FARP2: variants seen among roughly 807,000 people sequenced by gnomAD.
The protein encoded by FARP2 is FERM, ARHGEF and pleckstrin domain-containing protein 2.
In FARP2, 111 loss-of-function variants were observed where a neutral mutation model predicts 130.5. The ratio of observed to expected loss-of-function variants is 0.85; its 90% CI spans 0.73 to 1.00. FARP2 has a LOEUF of 1.00. Among genes scored for constraint, FARP2 ranks in the 50% least tolerant of loss-of-function variants. The pLI is 0.00. For missense variants in FARP2, 1,385 were observed against 1,346.3 expected (o/e 1.03, Z -0.45); for synonymous variants, 504 against 516.9 (o/e 0.98, Z 0.34).
intron 13 of FARP2, chr2:241,447,004 AAG>A (rs1413357115): frequency 6.6e-6 from 1 of 152,226 alleles, no homozygotes; most frequent in Admixed American, 6.5e-5. Context: ...TCATTTTTTA[AAG>A]AGACATTTTT....
At position 241,491,136 on chromosome 2, in the gene FARP2, G is replaced by A. The variant is rs371043521; in HGVS notation, c.2580G>A (p.Thr860=). Residue 860 remains threonine (T), a synonymous_variant, in exon 23 of 27, where the codon ACG becomes ACA. Coordinates refer to ENST00000264042, the MANE Select transcript of FARP2 (RefSeq NM_014808.4). ...AAGCAGCCAAGAGTGGCGGTGACACGGCCCCTGCACTGCCAGGCCGCACTG... is the reference window on the plus strand; with the variant it reads ...AAGCAGCCAAGAGTGGCGGTGACACAGCCCCTGCACTGCCAGGCCGCACTG... ...AIQAAKSGGD[T]APALPGRTVC... 1.0e-4 allele frequency: 162 copies of A among 1,613,140 alleles called. 1 individual carries two copies. The highest frequency in any genetic ancestry group is 2.1e-4 in the South Asian group (19 of 91,072).
In FARP2 at chr2:241,482,003, C is replaced by T. The variant is rs2064627912; in HGVS notation, c.2263-1462C>T. ...TTAGTCAAAATCTCTAAAGTCATGT[C>T]TGGATAGCCCAGAATTTCTTGTCTT... On this transcript the variant is annotated intron_variant, in intron 19 of 26. Coordinates refer to ENST00000264042, the MANE Select transcript of FARP2 (RefSeq NM_014808.4). The surrounding 1 kb of genome is among the most constrained non-coding windows in gnomAD (Gnocchi z 4.6). 2.6e-5 allele frequency among the ~76,000 whole-genome samples: 4 copies of T among 152,208 alleles called. No individual in the cohort carries two copies. Among genetic ancestry groups the T allele is most frequent in the Admixed American group, 2.0e-4 (3 of 15,280 alleles).
At chr2:241,485,657 C>CTTT in intron 21 of FARP2, among the ~76,000 whole-genome samples, 1 of 150,572 alleles carries the variant, frequency 6.6e-6, no homozygotes, top group Non-Finnish European at 1.5e-5. Context: ...CTGAGGTCCT[C>CTTT]CCTCACTCCC....
At position 241,374,075 on chromosome 2, in the gene FARP2, G is replaced by A. The variant is rs555718164; in HGVS notation, c.183+785G>A. ...AACCCAGGCTGGAGTGCAGTGGTGC[G>A]ATCATGCCTCACTGCAGCCTGGACC... On this transcript the variant is annotated intron_variant, in intron 2 of 26. Transcript: ENST00000264042. 3.3e-5 allele frequency among the ~76,000 whole-genome samples: 5 copies of A among 151,012 alleles called. No individual in the cohort carries two copies. In the South Asian group the frequency reaches 8.4e-4, roughly 25 times the overall value.
chr2:241,487,840 C>G (rs1417097301), intron 21 of FARP2, among the ~76,000 whole-genome samples: 42 of 147,044 alleles, frequency 2.9e-4, no homozygotes, highest in Middle Eastern at 3.7e-3. Context: ...CTCCACCTCC[C>G]GGGTTCACGC....
Position 241,367,961 on chromosome 2 carries a change from C to T in FARP2, c.-24-5123C>T, listed in dbSNP as rs147557815. Among the ~76,000 whole-genome samples, 181 of 151,568 alleles carry T rather than the reference C, an allele frequency of 1.2e-3. 1 individual carries two copies. Among genetic ancestry groups the T allele is most frequent in the African/African-American group, 4.0e-3 (163 of 41,166 alleles). ...AGGAGATAAAGAGATTTTCCATATA[C>T]CCTCCACCCCCACATACACACAGCA... is the stretch of plus-strand genomic sequence containing the variant. On this transcript the variant is annotated intron_variant, in intron 1 of 26. Coordinates refer to ENST00000264042, the MANE Select transcript of FARP2 (RefSeq NM_014808.4).
intron 17 of FARP2, among the ~76,000 whole-genome samples, chr2:241,464,426 C>T (rs764503146): frequency 2.0e-5 from 3 of 149,194 alleles, no homozygotes; most frequent in Non-Finnish European, 3.0e-5. Flanking sequence ...GAACAGCATC[C>T]CCTCAGAGCA....
intron 6 of FARP2, among the ~76,000 whole-genome samples, chr2:241,411,543 A>G (rs2062519096): frequency 6.6e-6 from 1 of 152,252 alleles, no homozygotes; most frequent in Admixed American, 6.5e-5. Flanking sequence ...AGGAAAAAGA[A>G]GACATTTCTT....
intron 19 of FARP2, among the ~76,000 whole-genome samples, chr2:241,481,056 CAAAAAA>C (rs34996407): frequency 1.5e-4 from 16 of 105,176 alleles, no homozygotes; most frequent in African/African-American, 4.7e-4. Context: ...TTGTCTCTAC[CAAAAAA>C]AAAAAAAAAA....
Position 241,468,181 on chromosome 2 carries a change from A to C in FARP2, c.1935A>C (p.Thr645=). The part of the protein sequence containing the change: ...SYFQRHDEVL[T]ELEKATKRCK... ...TCCAAAGACATGACGAGGTCCTAAC[A>C]GAACTGGAAAAGGCTACCAAACGCT... is the stretch of plus-strand genomic sequence containing the variant. Residue 645 remains threonine (T), a synonymous_variant, in exon 18 of 27, where the codon ACA becomes ACC. Transcript: ENST00000264042. 6.2e-7 allele frequency: 1 copy of C among 1,614,128 alleles called. No individual in the cohort carries two copies. Among genetic ancestry groups the C allele is most frequent in the Non-Finnish European group, 8.5e-7 (1 of 1,179,996 alleles).
At chr2:241,415,183 C>T (rs1345491440) in intron 7 of FARP2, among the ~76,000 whole-genome samples, 1 of 152,146 alleles carries the variant, frequency 6.6e-6, no homozygotes, top group Non-Finnish European at 1.5e-5. Context: ...CTTGAGGAGG[C>T]CTCCATGCAG....
chr2:241,473,524 T>C lies in FARP2; in HGVS notation c.2132-2333T>C, dbSNP rs1574894100. Among the ~76,000 whole-genome samples the C allele has an allele frequency of 2.0e-5, 3 of 152,276 alleles. No individual in the cohort carries two copies. The East Asian group carries it at 5.8e-4, about 29-fold the overall frequency. ...CATTATCGTGCCATCAGGTCCAAAA[T>C]GTGTCCTGAGCTTCCAGCAGCTGCC... On this transcript the variant is annotated intron_variant, in intron 18 of 26. Transcript: ENST00000264042.
At chr2:241,492,628 G>A (rs977889977) in intron 24 of FARP2, 2 of 308,418 alleles carry the variant, frequency 6.5e-6, no homozygotes, top group South Asian at 5.4e-5. Context: ...TGTCTCTTAA[G>A]GTATCTTCTC....
intron 13 of FARP2, among the ~76,000 whole-genome samples, chr2:241,456,253 T>C (rs943466329): frequency 5.3e-5 from 8 of 152,190 alleles, no homozygotes; most frequent in Non-Finnish European, 1.0e-4. Context: ...CAGTTTTATA[T>C]GATCCGTTTT....
At chr2:241,437,678 T>A (rs375468916) in intron 12 of FARP2, among the ~76,000 whole-genome samples, 11 of 120,814 alleles carry the variant, frequency 9.1e-5, no homozygotes, top group South Asian at 3.1e-4. Flanking sequence ...TTATTTTTTT[T>A]TTTTGAGACG....
rs566542474 is a variant in FARP2, at chr2:241,397,997, T to C, written c.184-5831T>C. 9.5e-5 allele frequency among the ~76,000 whole-genome samples: 14 copies of C among 146,652 alleles called. 1 individual carries two copies. In the South Asian group the frequency reaches 2.8e-3, roughly 29 times the overall value. ...GGCGCCTGCCACCATGCCCGGCTAA[T>C]TTTTTTTGCATTTTTAGTAGAGATG... On this transcript the variant is annotated intron_variant, in intron 2 of 26. Transcript: ENST00000264042.
chr2:241,457,181 G>A (rs1238267734), intron 14 of FARP2, among the ~76,000 whole-genome samples: 1 of 152,162 alleles, frequency 6.6e-6, no homozygotes, highest in Non-Finnish European at 1.5e-5. Flanking sequence ...TTTAGCAAAC[G>A]GTCCCTGGAA....
intron 2 of FARP2, among the ~76,000 whole-genome samples, chr2:241,401,858 C>T (rs1211841057): frequency 2.0e-5 from 3 of 151,954 alleles, no homozygotes; most frequent in East Asian, 1.9e-4. Context: ...TCTTGGCTCA[C>T]GGCTTACTGC....
chr2:241,402,878 A>AT (rs2062227664), intron 2 of FARP2, among the ~76,000 whole-genome samples: 13 of 8,466 alleles, frequency 1.5e-3, no homozygotes, highest in African/African-American at 5.1e-3. Context: ...ATATATATAT[A>AT]TATTTTTTTT....
Sources: gnomAD v4.1 joint callset for allele counts (sites outside exome capture counted in the v4.1 genomes callset) on GRCh38, gnomAD v4.1.1 for gene constraint, Gnocchi (gnomAD v3.1) non-coding constraint, MANE v1.5 for transcripts, NCBI Gene and HGNC (gene_info 2026-07-23, HGNC 2026-07-21) for gene names.